SEMA5A: variants seen among roughly 807,000 people sequenced by gnomAD.
The protein encoded by SEMA5A is semaphorin-5A.
In SEMA5A, 55 loss-of-function variants were observed where a neutral mutation model predicts 135.5. That is an observed-to-expected ratio of 0.41 (90% CI 0.33 to 0.51). SEMA5A has a LOEUF of 0.51. Ranked by LOEUF, SEMA5A falls within the 20% of genes least tolerant of loss-of-function variation. The pLI, the probability that SEMA5A is intolerant of heterozygous loss-of-function variation, is 0.37. For synonymous variants in SEMA5A, 580 were observed against 546.5 expected, an observed-to-expected ratio of 1.06 and a Z score of -0.85; for missense variants, 1,290 against 1,419.9, an observed-to-expected ratio of 0.91 and a Z score of 1.47.
At chr5:9,448,739 C>T (rs572208279) in intron 1 of SEMA5A, among the ~76,000 whole-genome samples, 1 of 151,910 alleles carries the variant, frequency 6.6e-6, no homozygotes, top group South Asian at 2.1e-4. Flanking sequence ...AACATCCCTG[C>T]CTGCTGGCTC....
chr5:9,311,151 G>GC (rs1041088458), intron 5 of SEMA5A, among the ~76,000 whole-genome samples: 1 of 151,424 alleles, frequency 6.6e-6, no homozygotes, highest in African/African-American at 2.4e-5. Flanking sequence ...CTCAACGGGG[G>GC]GGTCCTGCTC....
At chr5:9,414,370 T>C (rs1218237717) in intron 2 of SEMA5A, among the ~76,000 whole-genome samples, 2 of 152,238 alleles carry the variant, frequency 1.3e-5, no homozygotes, top group East Asian at 3.8e-4. Flanking sequence ...CTGATGCCTA[T>C]GCAATACAGT....
chr5:9,227,491 C>A (rs1365413528), intron 6 of SEMA5A, among the ~76,000 whole-genome samples: 1 of 151,498 alleles, frequency 6.6e-6, no homozygotes. Flanking sequence ...CAAACTGGAG[C>A]AAATTTTACT....
At chr5:9,089,079 G>T (rs115936450) in intron 16 of SEMA5A, among the ~76,000 whole-genome samples, 4,066 of 152,124 alleles carry the variant, frequency 0.027, 199 homozygotes, top group African/African-American at 0.093. Flanking sequence ...TCTGTGCAGG[G>T]GTCTCCCTAA....
At chr5:9,476,765 A>G (rs1171229898) in intron 1 of SEMA5A, among the ~76,000 whole-genome samples, 1 of 152,160 alleles carries the variant, frequency 6.6e-6, no homozygotes. Flanking sequence ...AAAAATACCC[A>G]TTGCCATTAG....
chr5:9,463,879 T>C (rs890579526), intron 1 of SEMA5A, among the ~76,000 whole-genome samples: 47 of 152,224 alleles, frequency 3.1e-4, no homozygotes, highest in African/African-American at 1.1e-3. Context: ...GTTTTCACTG[T>C]GTCTGCGTTG....
intron 2 of SEMA5A, among the ~76,000 whole-genome samples, chr5:9,435,038 A>T (rs560755931): frequency 6.6e-6 from 1 of 152,318 alleles, no homozygotes; most frequent in African/African-American, 2.4e-5. Flanking sequence ...AATAAAAAAG[A>T]AAAATTTAAA....
At chr5:9,207,673 T>C (rs1457812352) in intron 8 of SEMA5A, among the ~76,000 whole-genome samples, 2 of 152,204 alleles carry the variant, frequency 1.3e-5, no homozygotes, top group South Asian at 4.1e-4. Flanking sequence ...ATTGTTTCCA[T>C]TGTCACAGTT....
intron 18 of SEMA5A, among the ~76,000 whole-genome samples, chr5:9,055,766 C>G (rs1290820181): frequency 6.6e-6 from 1 of 151,768 alleles, no homozygotes; most frequent in Non-Finnish European, 1.5e-5. Context: ...AGTATTTTCC[C>G]TAAAAGTTAT....
intron 21 of SEMA5A, chr5:9,045,820 A>G (rs879372705): frequency 2.0e-5 from 3 of 152,234 alleles, no homozygotes; most frequent in African/African-American, 7.2e-5. Flanking sequence ...AATACAAAGC[A>G]TTCAGAAAAT....
At chr5:9,270,451 G>A (rs752595998) in intron 5 of SEMA5A, among the ~76,000 whole-genome samples, 10 of 152,036 alleles carry the variant, frequency 6.6e-5, no homozygotes, top group Non-Finnish European at 1.3e-4. Flanking sequence ...ATATGGAAAT[G>A]ACAATTTTCA....
chr5:9,411,047 A>G (rs764569838), intron 2 of SEMA5A, among the ~76,000 whole-genome samples: 2 of 151,598 alleles, frequency 1.3e-5, no homozygotes, highest in Admixed American at 6.6e-5. Context: ...AACTATGTAT[A>G]CTGTGTAACC....
intron 1 of SEMA5A, among the ~76,000 whole-genome samples, chr5:9,453,432 G>T (rs1415575552): frequency 6.6e-6 from 1 of 152,066 alleles, no homozygotes; most frequent in Non-Finnish European, 1.5e-5. Context: ...TTGGTGATTT[G>T]TCTGTTTAAA....
At chr5:9,223,639 A>G (rs1462535941) in intron 8 of SEMA5A, among the ~76,000 whole-genome samples, 1 of 152,216 alleles carries the variant, frequency 6.6e-6, no homozygotes, top group African/African-American at 2.4e-5. Context: ...TAATTAGCTG[A>G]TATGTAGCAA....
chr5:9,307,493 T>G (rs1420204203), intron 5 of SEMA5A, among the ~76,000 whole-genome samples: 1 of 152,164 alleles, frequency 6.6e-6, no homozygotes, highest in African/African-American at 2.4e-5. Context: ...GTGACTTTTT[T>G]TTTTTTCATT....
chr5:9,369,079 T>C (rs2126423599), intron 3 of SEMA5A, among the ~76,000 whole-genome samples: 1 of 152,360 alleles, frequency 6.6e-6, no homozygotes, highest in East Asian at 1.9e-4. Context: ...TGTCAGCCTT[T>C]CTAATTTTAG....
chr5:9,119,079 A>T lies in SEMA5A; in HGVS notation c.1844T>A (p.Phe615Tyr). The change falls in exon 15 of 23, where the codon TTC becomes TAC. Residue 615 changes from phenylalanine (F) to tyrosine (Y), a missense_variant. Phe to Tyr is a conservative substitution (Grantham distance 22). Transcript: ENST00000382496. ...SPCSTTCGIG[F>Y]QVRQRSCSNP... The stretch of plus-strand genomic sequence containing the variant: ...GCTGCAGGAGCGCTGCCGCACCTGG[A>T]AGCCGATCCCACAGGTAGTGCTGCA... The T allele has an allele frequency of 6.2e-7, 1 of 1,613,834 alleles. No homozygotes were observed. The highest frequency in any genetic ancestry group is 1.7e-5 in the Admixed American group (1 of 59,990).
intron 20 of SEMA5A, 142 bp from the exon 21 acceptor site, chr5:9,050,599 T>G: frequency 1.4e-6 from 1 of 737,608 alleles, no homozygotes; most frequent in South Asian, 2.7e-5. Context: ...TCAGAAAAAT[T>G]CTACTTGTTT....
At chr5:9,265,023 C>A (rs760222349) in intron 5 of SEMA5A, among the ~76,000 whole-genome samples, 2 of 152,068 alleles carry the variant, frequency 1.3e-5, no homozygotes, top group African/African-American at 4.8e-5. Flanking sequence ...ACTTTGGGAG[C>A]CTTCATTATA....
Sources: gnomAD v4.1 joint callset for allele counts (sites outside exome capture counted in the v4.1 genomes callset) on GRCh38, gnomAD v4.1.1 for gene constraint, MANE v1.5 for transcripts, NCBI Gene and HGNC (gene_info 2026-07-23, HGNC 2026-07-21) for gene names.